PRDM5: variants seen among roughly 807,000 people sequenced by gnomAD.
PRDM5 encodes the protein PR/SET domain 5, also known as PR domain zinc finger protein 5.
In PRDM5, 56 loss-of-function variants were observed where a neutral mutation model predicts 81.2. The observed-to-expected ratio is 0.69, with a 90% CI of 0.56 to 0.86. PRDM5 has a LOEUF of 0.86. Among genes scored for constraint, PRDM5 ranks in the 40% least tolerant of loss-of-function variants. The probability of loss-of-function intolerance (pLI) is 0.00; values close to 1 mark genes in which losing one functional copy is unlikely to be tolerated. For missense variants in PRDM5, 697 were observed against 770.1 expected (o/e 0.91, Z 1.12); for synonymous variants, 267 against 256.4 (o/e 1.04, Z -0.39).
chr4:120,845,994 G>A (rs1457016503), intron 3 of PRDM5, among the ~76,000 whole-genome samples: 1 of 152,166 alleles, frequency 6.6e-6, no homozygotes, highest in African/African-American at 2.4e-5. Flanking sequence ...AGACTTAGAA[G>A]TGAGACCTGA....
chr4:120,724,721 A>T (rs1209069433), intron 14 of PRDM5, among the ~76,000 whole-genome samples: 1 of 152,230 alleles, frequency 6.6e-6, no homozygotes, highest in Non-Finnish European at 1.5e-5. Context: ...ATTCTAAAAA[A>T]AACATACTTA....
intron 2 of PRDM5, among the ~76,000 whole-genome samples, chr4:120,863,156 T>TA (rs66499146): frequency 0.066 from 2,638 of 39,972 alleles, 186 homozygotes; most frequent in Middle Eastern, 0.16. Flanking sequence ...AGACTCTGTC[T>TA]AAAAAAAAAA....
At chr4:120,828,129 G>T (rs1051328107) in intron 3 of PRDM5, among the ~76,000 whole-genome samples, 1 of 152,026 alleles carries the variant, frequency 6.6e-6, no homozygotes, top group Non-Finnish European at 1.5e-5. Flanking sequence ...AGATAGACTT[G>T]AATTTGTATC....
intron 2 of PRDM5, among the ~76,000 whole-genome samples, chr4:120,884,498 C>T (rs557416832): frequency 6.6e-6 from 1 of 152,266 alleles, no homozygotes; most frequent in South Asian, 2.1e-4. Context: ...CCAATCAAAA[C>T]ATTTGTATAA....
intron 10 of PRDM5, among the ~76,000 whole-genome samples, chr4:120,789,951 A>G (rs931385441): frequency 1.2e-4 from 19 of 152,196 alleles, no homozygotes; most frequent in African/African-American, 4.6e-4. Flanking sequence ...CAAAGCCACA[A>G]TGCCAGGGAG....
In PRDM5 at chr4:120,753,306, T is replaced by C. The variant is rs550732075; in HGVS notation, c.1623+1247A>G. 3.9e-5 allele frequency among the ~76,000 whole-genome samples: 6 copies of C among 152,348 alleles called. No individual in the cohort carries two copies. The East Asian group carries it at 1.2e-3, about 29-fold the overall frequency. On this transcript the variant is annotated intron_variant, in intron 14 of 15. Coordinates refer to ENST00000264808, the MANE Select transcript of PRDM5 (RefSeq NM_018699.4). ...TTTTGGATATTGTACATTTAAATCA[T>C]ACTATTATAAACAGGAATATCTGTC...
chr4:120,805,436 G>A (rs750349579), intron 8 of PRDM5, among the ~76,000 whole-genome samples: 6 of 152,096 alleles, frequency 3.9e-5, no homozygotes, highest in Non-Finnish European at 7.4e-5. Context: ...GAAGAACATC[G>A]ATGCAAAAAT....
At chr4:120,784,971 T>C (rs1193261864) in intron 11 of PRDM5, 27 bp downstream of exon 11, 1 of 1,526,076 alleles carries the variant, frequency 6.6e-7, no homozygotes, top group Non-Finnish European at 9.1e-7. Flanking sequence ...ATTCCTTATA[T>C]TCTCAACTGC....
chr4:120,759,145 CTCTAG>C (rs71912377), intron 13 of PRDM5, among the ~76,000 whole-genome samples: 15,836 of 152,108 alleles, frequency 0.1, 1,003 homozygotes, highest in Middle Eastern at 0.19. Flanking sequence ...CTCAGAGCAC[CTCTAG>C]TCTAGATGAT....
chr4:120,732,579 C>G (rs966443085), intron 14 of PRDM5, among the ~76,000 whole-genome samples: 6 of 142,326 alleles, frequency 4.2e-5, no homozygotes, highest in Non-Finnish European at 6.1e-5. Flanking sequence ...TACCTCAGGA[C>G]AATACAACAG....
At chr4:120,695,308 C>T (rs1027234812) in intron 15 of PRDM5, 33 bp from the exon 16 acceptor site, 1 of 1,609,818 alleles carries the variant, frequency 6.2e-7, no homozygotes, top group Admixed American at 1.7e-5. Context: ...CCATATTATA[C>T]TGAAATAAAC....
intron 14 of PRDM5, among the ~76,000 whole-genome samples, chr4:120,710,716 C>T (rs997635262): frequency 1.3e-5 from 2 of 152,052 alleles, no homozygotes; most frequent in Non-Finnish European, 2.9e-5. Flanking sequence ...GCTTTTCCCA[C>T]TTTGCTCCAT....
At chr4:120,696,598 CTGTAAAATGACAA>C (rs1159481325) in intron 15 of PRDM5, among the ~76,000 whole-genome samples, 1 of 152,108 alleles carries the variant, frequency 6.6e-6, no homozygotes, top group African/African-American at 2.4e-5. Flanking sequence ...GTTTCCTCAC[CTGTAAAATGACAA>C]TGTATTTACC....
chr4:120,757,885 C>CCTTCTCCTT (rs141417628), intron 13 of PRDM5, among the ~76,000 whole-genome samples: 22,117 of 150,986 alleles, frequency 0.15, 2,499 homozygotes, highest in African/African-American at 0.3. Context: ...CTTCTCTTCT[C>CCTTCTCCTT]CTTCTTCTTC....
intron 15 of PRDM5, among the ~76,000 whole-genome samples, chr4:120,707,029 A>G (rs563036035): frequency 6.6e-6 from 1 of 152,184 alleles, no homozygotes; most frequent in East Asian, 1.9e-4. Flanking sequence ...GTCTTTCAAA[A>G]AGACAGAAGA....
At chr4:120,790,220 C>A (rs191714235) in intron 10 of PRDM5, among the ~76,000 whole-genome samples, 1 of 152,298 alleles carries the variant, frequency 6.6e-6, no homozygotes, top group Admixed American at 6.5e-5. Context: ...AGCCTTTTTA[C>A]AACAGCTACC....
intron 15 of PRDM5, among the ~76,000 whole-genome samples, chr4:120,706,184 A>G (rs1736104374): frequency 7.0e-6 from 1 of 143,020 alleles, no homozygotes; most frequent in Non-Finnish European, 1.6e-5. Context: ...CTTAAACTCT[A>G]GAATCTTGAC....
At chr4:120,739,867 G>C (rs891960594) in intron 14 of PRDM5, among the ~76,000 whole-genome samples, 1 of 151,996 alleles carries the variant, frequency 6.6e-6, no homozygotes, top group Admixed American at 6.6e-5. Flanking sequence ...AAGTTACACA[G>C]AGATTAAGAA....
At chr4:120,706,867 A>C (rs1736244643) in intron 15 of PRDM5, among the ~76,000 whole-genome samples, 2 of 150,846 alleles carry the variant, frequency 1.3e-5, no homozygotes, top group Non-Finnish European at 3.0e-5. Flanking sequence ...CAATTACCAA[A>C]ACTGACCCAT....
Sources: allele counts gnomAD v4.1 joint callset (sites outside exome capture counted in the v4.1 genomes callset), GRCh38; gene constraint gnomAD v4.1.1; transcripts MANE v1.5; gene names NCBI Gene and HGNC (gene_info 2026-07-23, HGNC 2026-07-21).